Variants in CARMIL2 observed in about 807,000 individuals in gnomAD.
CARMIL2 encodes capping protein, Arp2/3 and myosin-I linker protein 2.
Under a neutral mutation model 173.3 loss-of-function variants are expected in CARMIL2, and 96 were observed. The observed-to-expected ratio is 0.55, with a 90% CI of 0.47 to 0.66. The LOEUF (loss-of-function observed/expected upper bound fraction) is 0.66, where lower values mean the gene tolerates loss of function less well. Ranked by LOEUF, CARMIL2 falls within the 30% of genes least tolerant of loss-of-function variation. The probability of loss-of-function intolerance (pLI) is 0.00; values close to 1 mark genes in which losing one functional copy is unlikely to be tolerated. For synonymous variants in CARMIL2, 830 were observed against 817.1 expected (o/e 1.02, Z -0.27); for missense variants, 1,771 against 1,906.7 (o/e 0.93, Z 1.33).
intron 29 of CARMIL2, 70 bp from the exon 30 acceptor site, chr16:67,654,079 C>CG: frequency 1.1e-6 from 1 of 876,806 alleles, no homozygotes; most frequent in African/African-American, 4.6e-5. Flanking sequence ...AGGCTGCCGG[C>CG]CGGGGGGGGG....
In CARMIL2 at chr16:67,645,220, G is replaced by C. The variant is rs2052571196; in HGVS notation, c.-27G>C. On this transcript the variant is annotated 5_prime_UTR_variant, in exon 1 of 38. Coordinates refer to ENST00000334583, the MANE Select transcript of CARMIL2 (RefSeq NM_001013838.3). ...CCTCTGCTGTTTCCCGCCGGAGCTC[G>C]TTGGGCCTCCCCGGCCCGCCCGGCC... 7.0e-6 allele frequency: 11 copies of C among 1,564,032 alleles called. No homozygotes were observed. Among genetic ancestry groups the C allele is most frequent in the Non-Finnish European group, 9.5e-6 (11 of 1,154,196 alleles).
chr16:67,651,654 C>G lies in CARMIL2; in HGVS notation c.2428-31C>G, dbSNP rs141244654. The G allele has an allele frequency of 4.2e-4, 667 of 1,599,734 alleles. 4 individuals are homozygous for G. Among genetic ancestry groups the G allele is most frequent in the Non-Finnish European group, 3.7e-5 (44 of 1,173,834 alleles). On this transcript the variant is annotated intron_variant, in intron 24 of 37. Coordinates refer to ENST00000334583, the MANE Select transcript of CARMIL2 (RefSeq NM_001013838.3). The surrounding 1 kb of genome is among the most constrained non-coding windows in gnomAD (Gnocchi z 4.2). ...CCAGCAGCCTGGTGTCTGGCCACAT[C>G]CTCACCATGCTCTGACTGACCTTTG...
rs2052669176 is a variant in CARMIL2, at chr16:67,649,305, C to T, written c.1740C>T (p.Asp580=). 5 of 1,612,144 alleles carry T rather than the reference C, an allele frequency of 3.1e-6. No individual in the cohort carries two copies. The African/African-American group carries it at 5.3e-5, about 17-fold the overall frequency. ...LHRIVQLMQD[D]DCPLQSLSVA... is the part of the protein sequence containing the mutation. ...GGATTGTCCAGCTCATGCAGGACGA[C>T]GATTGTGTGAGTTCACGGGACCTTG... The change falls in exon 19 of 38, where the codon GAC becomes GAT. Residue 580 remains aspartate (D), a synonymous_variant. Coordinates refer to ENST00000334583, the MANE Select transcript of CARMIL2 (RefSeq NM_001013838.3). This position sits in a 1 kb window ranked among gnomAD's most constrained non-coding sequence, Gnocchi z 6.7.
Position 67,647,671 on chromosome 16 carries a change from C to T in CARMIL2, c.872-9C>T, listed in dbSNP as rs986826863. On this transcript the variant is annotated splice_polypyrimidine_tract_variant and intron_variant, in intron 11 of 37. Transcript: ENST00000334583. ...GGTGAGACCCACGTGGCTGTTCCCA[C>T]CCCCCAAGGCATGACTGCACTCAGC... 28 of 1,599,188 alleles carry T rather than the reference C, an allele frequency of 1.8e-5. No individual in the cohort carries two copies. Among genetic ancestry groups the T allele is most frequent in the Non-Finnish European group, 2.4e-5 (28 of 1,173,908 alleles).
Position 67,653,391 on chromosome 16 carries a change from A to C in CARMIL2, c.3120+137A>C. On this transcript the variant is annotated intron_variant, in intron 29 of 37. Transcript: ENST00000334583. The surrounding 1 kb of genome is among the most constrained non-coding windows in gnomAD (Gnocchi z 7.4). ...CACCTGGTCGTGCGGCCGCGGTCAC[A>C]TCCTGGCTTCTTCCTGACCACCCCC... The C allele has an allele frequency of 1.2e-5, 3 of 242,798 alleles. No homozygotes were observed. The highest frequency in any genetic ancestry group is 2.2e-5 in the Non-Finnish European group (3 of 137,806). The allele number at this position is 242,798 out of a possible 1,614,324, so 15.0% of individuals were successfully genotyped here.
rs369489757 is a variant in CARMIL2 at position 67,651,360 on chromosome 16, C to A, written c.2314-41C>A. 3.1e-6 allele frequency: 5 copies of A among 1,604,638 alleles called. No homozygotes were observed. In the African/African-American group the frequency reaches 6.7e-5, roughly 21 times the overall value. Reference sequence around the variant, plus strand: ...CTACAAGGACCCTTCCCCTCTTAGTCAGGTGTCAGCTCGCAACTGCTTTTC... The same window carrying A: ...CTACAAGGACCCTTCCCCTCTTAGTAAGGTGTCAGCTCGCAACTGCTTTTC... On this transcript the variant is annotated intron_variant, in intron 23 of 37. Coordinates refer to ENST00000334583, the MANE Select transcript of CARMIL2 (RefSeq NM_001013838.3). The surrounding 1 kb of genome is among the most constrained non-coding windows in gnomAD (Gnocchi z 4.2).
In CARMIL2 at chr16:67,649,661, C is replaced by T. The variant is rs76841123; in HGVS notation, c.1919+42C>T. 9 of 1,554,946 alleles carry T rather than the reference C, an allele frequency of 5.8e-6. No homozygotes were observed. The East Asian group carries it at 1.6e-4, about 27-fold the overall frequency. Reference sequence around the variant, plus strand: ...GGGTGGGACCAGCGGGCAGGGGGCGCGGTGGAGAGGAGGGCACCGGGCTAA... The same window carrying T: ...GGGTGGGACCAGCGGGCAGGGGGCGTGGTGGAGAGGAGGGCACCGGGCTAA... On this transcript the variant is annotated intron_variant, in intron 20 of 37. Transcript: ENST00000334583. This position sits in a 1 kb window ranked among gnomAD's most constrained non-coding sequence, Gnocchi z 6.7.
In CARMIL2 at chr16:67,653,093, T is replaced by C; in HGVS notation, c.2959T>C (p.Ser987Pro). 5.8e-6 allele frequency: 7 copies of C among 1,210,864 alleles called. No homozygotes were observed. The highest frequency in any genetic ancestry group is 7.2e-6 in the Non-Finnish European group (7 of 966,500). The allele number at this position is 1,210,864 out of a possible 1,614,324, so 75.0% of individuals were successfully genotyped here. ...GEDAEPQAGP[S>P]ARGSPSPAAP... Reference sequence around the variant, plus strand: ...AGATGCAGAGCCGCAGGCGGGGCCGTCCGCGCGCGGCTCTCCGAGCCCTGC... The same window carrying C: ...AGATGCAGAGCCGCAGGCGGGGCCGCCCGCGCGCGGCTCTCCGAGCCCTGC... The change falls in exon 29 of 38, where the codon TCC becomes CCC. Residue 987 changes from serine to proline, a missense_variant. By Grantham distance (74) the Ser-to-Pro change is moderately conservative. Transcript: ENST00000334583. The surrounding 1 kb of genome is among the most constrained non-coding windows in gnomAD (Gnocchi z 7.4).
rs770264466 is a variant in CARMIL2 at position 67,647,207 on chromosome 16, G to A, written c.687+16G>A. On this transcript the variant is annotated intron_variant, in intron 9 of 37. Coordinates refer to ENST00000334583, the MANE Select transcript of CARMIL2 (RefSeq NM_001013838.3). The stretch of plus-strand genomic sequence containing the variant: ...CATGAAGCTGGTGAGGGGGTTCGGG[G>A]TAAGGGCAGGGAGGGGCCAAGGGTG... The A allele has an allele frequency of 5.0e-6, 8 of 1,613,560 alleles. No homozygotes were observed. The highest frequency in any genetic ancestry group is 1.1e-5 in the South Asian group (1 of 91,088).
At position 67,656,828 on chromosome 16, in the gene CARMIL2, C is replaced by T. The variant is rs774821832; in HGVS notation, c.4064C>T (p.Ser1355Leu). 9 of 1,550,674 alleles carry T rather than the reference C, an allele frequency of 5.8e-6. No individual in the cohort carries two copies. The highest frequency in any genetic ancestry group is 3.6e-5 in the South Asian group (3 of 84,080). The stretch of plus-strand genomic sequence containing the variant: ...GGCCAGCTGAGGCCGAGGCCTCTCT[C>T]GGCAGGGCGGCGAGCAGTGTCTGTG... ...EDGQLRPRPL[S>L]AGRRAVSVHE... is the part of the protein sequence containing the mutation. The change falls in exon 36 of 38, where the codon TCG (serine) becomes TTG (leucine). Residue 1355 changes from serine (S) to leucine (L), a missense_variant. Physicochemically the swap from Ser to Leu is moderately radical, Grantham distance 145. Transcript: ENST00000334583.
intron 10 of CARMIL2, 46 bp downstream of exon 10, chr16:67,647,433 G>A (rs2052615682): frequency 1.9e-6 from 3 of 1,558,010 alleles, no homozygotes; most frequent in East Asian, 4.8e-5. Context: ...CTGGAGGCTT[G>A]GGACTGGGGG....
At position 67,648,808 on chromosome 16, in the gene CARMIL2, G is replaced by T. The variant is rs2052654593; in HGVS notation, c.1509+54G>T. 1 of 1,567,972 alleles carries T rather than the reference G, an allele frequency of 6.4e-7. No homozygotes were observed. Among genetic ancestry groups the T allele is most frequent in the Non-Finnish European group, 8.6e-7 (1 of 1,157,004 alleles). On this transcript the variant is annotated intron_variant, in intron 16 of 37. Transcript: ENST00000334583. This position sits in a 1 kb window ranked among gnomAD's most constrained non-coding sequence, Gnocchi z 6.1. Reference sequence around the variant, plus strand: ...ACATTGGGAGAGGCGCTGGGAGGCGGAAGGGCAGGGCCGTGGGCCGCCTGC... The same window carrying T: ...ACATTGGGAGAGGCGCTGGGAGGCGTAAGGGCAGGGCCGTGGGCCGCCTGC...
In CARMIL2 at chr16:67,647,734, T is replaced by TTGTC; in HGVS notation, c.926_927insTGTC (p.Ser310ValfsTer53). 1 of 1,381,448 alleles carries TTGTC rather than the reference T, an allele frequency of 7.2e-7. No individual in the cohort carries two copies. Among genetic ancestry groups the TTGTC allele is most frequent in the Non-Finnish European group, 9.6e-7 (1 of 1,041,970 alleles). The allele number at this position is 1,381,448 out of a possible 1,614,324, so 85.6% of individuals were successfully genotyped here. ...CGTTGTCCAGGAGCCCTGAGGAGAC[T>TTGTC]CAGCCTGGCCCAGACAGGGTTGACA... On this transcript the variant is annotated frameshift_variant, in exon 12 of 38. Coordinates refer to ENST00000334583, the MANE Select transcript of CARMIL2 (RefSeq NM_001013838.3). LOFTEE classifies it high-confidence loss of function.
intron 21 of CARMIL2, 35 bp downstream of exon 21, chr16:67,650,003 A>G: frequency 1.2e-6 from 2 of 1,613,624 alleles, no homozygotes; most frequent in Admixed American, 1.7e-5. Context: ...CCTTCTCTGC[A>G]CGGTAACTCC....
chr16:67,648,917 A>C lies in CARMIL2; in HGVS notation c.1534A>C (p.Ile512Leu). 1.2e-6 allele frequency: 2 copies of C among 1,608,952 alleles called. No individual in the cohort carries two copies. The highest frequency in any genetic ancestry group is 1.7e-6 in the Non-Finnish European group (2 of 1,178,044). The change falls in exon 17 of 38, where the codon ATA becomes CTA. Residue 512 changes from isoleucine (I) to leucine (L), a missense_variant. By Grantham distance (5) the Ile-to-Leu change is conservative (BLOSUM62 2). Around this residue, in one of 3 missense-constraint regions of CARMIL2, gnomAD observed 944 missense variants for 975.6 expected, o/e 0.97. Coordinates refer to ENST00000334583, the MANE Select transcript of CARMIL2 (RefSeq NM_001013838.3). This position sits in a 1 kb window ranked among gnomAD's most constrained non-coding sequence, Gnocchi z 6.1. ...CELRSAGAQV[I>L]QDLVCDAGAV... ...GCTGCGCTCGGCCGGCGCCCAGGTG[A>C]TACAAGACTTAGTGTGCGACGCAGG...
intron 35 of CARMIL2, 39 bp downstream of exon 35, chr16:67,656,684 C>G: frequency 6.4e-7 from 1 of 1,574,086 alleles, no homozygotes; most frequent in Non-Finnish European, 8.6e-7. Context: ...ATCCTGGCCT[C>G]GGGGCTGGAG....
chr16:67,648,936 A>G lies in CARMIL2; in HGVS notation c.1553A>G (p.Asp518Gly), dbSNP rs1455467933. Residue 518 changes from aspartate (D) to glycine (G), a missense_variant, in exon 17 of 38, where the codon GAC becomes GGC. Transcript: ENST00000334583. This position sits in a 1 kb window ranked among gnomAD's most constrained non-coding sequence, Gnocchi z 6.1. ...GAQVIQDLVC[D>G]AGAVSSLDLA... ...CAGGTGATACAAGACTTAGTGTGCG[A>G]CGCAGGCGCTGTGAGCTCCCTGGAT... 2.5e-6 allele frequency: 4 copies of G among 1,609,696 alleles called. No individual in the cohort carries two copies. The Admixed American group carries it at 5.0e-5, about 20-fold the overall frequency.
rs1448050828 is a variant in CARMIL2 at position 67,651,171 on chromosome 16, C to G, written c.2185-16C>G. 1 of 1,610,614 alleles carries G rather than the reference C, an allele frequency of 6.2e-7. No individual in the cohort carries two copies. Among genetic ancestry groups the G allele is most frequent in the Admixed American group, 1.7e-5 (1 of 59,678 alleles). On this transcript the variant is annotated splice_polypyrimidine_tract_variant and intron_variant, in intron 22 of 37. Coordinates refer to ENST00000334583, the MANE Select transcript of CARMIL2 (RefSeq NM_001013838.3). This position sits in a 1 kb window ranked among gnomAD's most constrained non-coding sequence, Gnocchi z 4.2. ...GGGAGGGGGCTAGGCTGAGACTGAT[C>G]CCCATTTCGCCCCAGGAAGTGAATG...
In CARMIL2 at chr16:67,657,095, T is replaced by A. The variant is rs760842800; in HGVS notation, c.4118-144T>A. 1 of 827,564 alleles carries A rather than the reference T, an allele frequency of 1.2e-6. No homozygotes were observed. The highest frequency in any genetic ancestry group is 1.9e-6 in the Non-Finnish European group (1 of 514,110). The allele number at this position is 827,564 out of a possible 1,614,324, so 51.3% of individuals were successfully genotyped here. ...CCCGAAGAGCAGCCTCTGCCAGGGG[T>A]GAGGACGCAGGGACGGGGGATGCTC... On this transcript the variant is annotated intron_variant, in intron 36 of 37. Transcript: ENST00000334583. The surrounding 1 kb of genome is among the most constrained non-coding windows in gnomAD (Gnocchi z 4.5).
Sources: gnomAD v4.1 joint callset for allele counts on GRCh38, gnomAD v4.1.1 for gene constraint, gnomAD v4.1.1 regional missense constraint, Gnocchi (gnomAD v3.1) non-coding constraint, MANE v1.5 for transcripts, NCBI Gene and HGNC (gene_info 2026-07-23, HGNC 2026-07-21) for gene names.